Variants in CCSER1 observed in about 807,000 individuals in gnomAD.
CCSER1 encodes serine-rich coiled-coil domain-containing protein 1.
A neutral mutation model predicts 82.0 loss-of-function variants in CCSER1; 41 were observed. That is an observed-to-expected ratio of 0.50 (90% CI 0.39 to 0.65). CCSER1 has a LOEUF of 0.65. Ranked by LOEUF, CCSER1 falls within the 30% of genes least tolerant of loss-of-function variation. The pLI is 0.00. For synonymous variants in CCSER1, 414 were observed against 383.9 expected, an observed-to-expected ratio of 1.08 and a Z score of -0.92; for missense variants, 1,119 against 1,064.2, an observed-to-expected ratio of 1.05 and a Z score of -0.72.
At chr4:91,451,737 A>T (rs1280718287) in intron 10 of CCSER1, among the ~76,000 whole-genome samples, 2 of 152,066 alleles carry the variant, frequency 1.3e-5, no homozygotes, top group Admixed American at 6.6e-5. Context: ...AGATAAAAAA[A>T]TACTTGGGTG....
At chr4:90,237,710 G>A (rs549528307) in intron 1 of CCSER1, among the ~76,000 whole-genome samples, 2 of 152,108 alleles carry the variant, frequency 1.3e-5, no homozygotes, top group African/African-American at 2.4e-5. Flanking sequence ...GAATTCTACC[G>A]TAGGGTGGAC....
chr4:90,601,034 C>T (rs988131898), intron 5 of CCSER1, among the ~76,000 whole-genome samples: 30 of 151,934 alleles, frequency 2.0e-4, no homozygotes, highest in African/African-American at 6.5e-4. Flanking sequence ...CTTGTACAAA[C>T]TCGTTAAATA....
chr4:90,254,830 C>T (rs1722978048), intron 1 of CCSER1, among the ~76,000 whole-genome samples: 1 of 152,056 alleles, frequency 6.6e-6, no homozygotes, highest in Non-Finnish European at 1.5e-5. Flanking sequence ...ATTAGGGAAA[C>T]TTCCTGATAA....
intron 9 of CCSER1, among the ~76,000 whole-genome samples, chr4:90,975,731 C>T (rs1430257896): frequency 6.6e-6 from 1 of 151,218 alleles, no homozygotes; most frequent in Admixed American, 6.6e-5. Flanking sequence ...TGCAACATCA[C>T]ATTATTACCA....
chr4:90,169,740 T>C (rs997606302), intron 1 of CCSER1, among the ~76,000 whole-genome samples: 6 of 152,060 alleles, frequency 3.9e-5, no homozygotes, highest in Non-Finnish European at 7.4e-5. Context: ...CACTACATGC[T>C]TAATGTTTCT....
chr4:91,128,209 G>A (rs150919960), intron 10 of CCSER1, among the ~76,000 whole-genome samples: 1 of 151,942 alleles, frequency 6.6e-6, no homozygotes, highest in Non-Finnish European at 1.5e-5. Flanking sequence ...TTCAGTTTCT[G>A]CCTCTAACTC....
chr4:90,538,678 A>T (rs1012428633), intron 5 of CCSER1, among the ~76,000 whole-genome samples: 13 of 152,116 alleles, frequency 8.5e-5, no homozygotes, highest in Non-Finnish European at 1.8e-4. Context: ...GCATGTTTAT[A>T]AAACAAAATT....
Position 91,174,835 on chromosome 4 carries a change from T to A in CCSER1, c.2217+88841T>A, listed in dbSNP as rs897740885. On this transcript the variant is annotated intron_variant, in intron 10 of 10. Transcript: ENST00000509176. ...TGTTTTTCTTTTCTTTTTTTTTTTT[T>A]ATTATACTTTAATTTCTAGGGTACA... 4.1e-5 allele frequency among the ~76,000 whole-genome samples: 6 copies of A among 144,826 alleles called. No homozygotes were observed. In the East Asian group the frequency reaches 9.9e-4, roughly 24 times the overall value.
chr4:90,611,718 A>G (rs1785527321), intron 5 of CCSER1, among the ~76,000 whole-genome samples: 1 of 148,130 alleles, frequency 6.8e-6, no homozygotes, highest in Admixed American at 6.8e-5. Context: ...GATGAACAGG[A>G]TATAATATAT....
At chr4:91,284,270 A>C (rs1229459818) in intron 10 of CCSER1, among the ~76,000 whole-genome samples, 4 of 152,114 alleles carry the variant, frequency 2.6e-5, no homozygotes, top group Non-Finnish European at 5.9e-5. Flanking sequence ...GCTAATGAGA[A>C]CTTTCCTAGA....
At chr4:91,427,658 T>C (rs1287800983) in intron 10 of CCSER1, among the ~76,000 whole-genome samples, 3 of 152,118 alleles carry the variant, frequency 2.0e-5, no homozygotes, top group African/African-American at 7.2e-5. Context: ...ACAGAATGGT[T>C]GTGAGGATTA....
At chr4:90,523,281 C>G (rs562411438) in intron 5 of CCSER1, among the ~76,000 whole-genome samples, 2 of 152,002 alleles carry the variant, frequency 1.3e-5, no homozygotes, top group Non-Finnish European at 2.9e-5. Flanking sequence ...TAGCTGGAAA[C>G]CAGACACATA....
intron 5 of CCSER1, among the ~76,000 whole-genome samples, chr4:90,598,031 C>T (rs1377661565): frequency 1.3e-5 from 2 of 151,884 alleles, no homozygotes; most frequent in Admixed American, 6.6e-5. Flanking sequence ...TTTCTTTCTC[C>T]ATTTGTCTGT....
chr4:91,371,034 G>T (rs991815284), intron 10 of CCSER1, among the ~76,000 whole-genome samples: 35 of 151,942 alleles, frequency 2.3e-4, no homozygotes, highest in African/African-American at 6.8e-4. Context: ...GCTAATTTTT[G>T]TATTTTTAGT....
chr4:90,287,863 C>G (rs1274714186), intron 1 of CCSER1, among the ~76,000 whole-genome samples: 2 of 151,746 alleles, frequency 1.3e-5, no homozygotes, highest in Admixed American at 6.6e-5. Context: ...CCTGACTTTT[C>G]CATTGTGATT....
chr4:90,528,743 A>C (rs541064731), intron 5 of CCSER1, among the ~76,000 whole-genome samples: 1 of 152,192 alleles, frequency 6.6e-6, no homozygotes, highest in Non-Finnish European at 1.5e-5. Flanking sequence ...TTATCTGTGC[A>C]TCTAAATGTT....
chr4:90,689,710 G>A (rs1735467460), intron 6 of CCSER1, among the ~76,000 whole-genome samples: 1 of 152,050 alleles, frequency 6.6e-6, no homozygotes, highest in Non-Finnish European at 1.5e-5. Context: ...ATAAGGGAGT[G>A]GAGAAAACAG....
At chr4:90,436,502 T>C (rs574412252) in intron 4 of CCSER1, among the ~76,000 whole-genome samples, 1 of 152,286 alleles carries the variant, frequency 6.6e-6, no homozygotes, top group South Asian at 2.1e-4. Context: ...AGCAGAGCAA[T>C]AATAAAAGCT....
chr4:91,596,336 A>T (rs919059402), intron 10 of CCSER1, among the ~76,000 whole-genome samples: 1 of 152,074 alleles, frequency 6.6e-6, no homozygotes, highest in African/African-American at 2.4e-5. Flanking sequence ...CCTAGGCAGC[A>T]TCTGTTGAAA....
Sources: gnomAD v4.1 joint callset for allele counts (sites outside exome capture counted in the v4.1 genomes callset) on GRCh38, gnomAD v4.1.1 for gene constraint, MANE v1.5 for transcripts, NCBI Gene and HGNC (gene_info 2026-07-23, HGNC 2026-07-21) for gene names.